Variants in TTC28 observed in about 807,000 individuals in gnomAD.
TTC28 encodes the protein tetratricopeptide repeat domain 28.
A neutral mutation model predicts 198.0 loss-of-function variants in TTC28; 61 were observed. The observed-to-expected ratio is 0.31, with a 90% CI of 0.25 to 0.38. TTC28 has a LOEUF of 0.38. Ranked by LOEUF, TTC28 falls within the 10% of genes least tolerant of loss-of-function variation. The pLI, the probability that TTC28 is intolerant of heterozygous loss-of-function variation, is 1.00. For missense variants in TTC28, 2,678 were observed against 3,164.0 expected (o/e 0.85, Z 3.69); for synonymous variants, 1,171 against 1,297.8 (o/e 0.90, Z 2.10).
intron 2 of TTC28, among the ~76,000 whole-genome samples, chr22:28,536,735 T>A (rs1025748417): frequency 7.2e-5 from 11 of 152,246 alleles, no homozygotes; most frequent in African/African-American, 2.4e-4. Context: ...TTCTCTGATC[T>A]ATGACTTATT....
intron 5 of TTC28, among the ~76,000 whole-genome samples, chr22:28,164,773 A>G (rs1921691804): frequency 6.6e-6 from 1 of 152,200 alleles, no homozygotes; most frequent in African/African-American, 2.4e-5. Flanking sequence ...CTCACCAACA[A>G]TGGAACAAAG....
At chr22:28,468,313 C>G (rs1314750925) in intron 2 of TTC28, among the ~76,000 whole-genome samples, 2 of 151,834 alleles carry the variant, frequency 1.3e-5, no homozygotes, top group Non-Finnish European at 1.5e-5. Flanking sequence ...TAGAAGAGGC[C>G]CAGGTTTGCA....
intron 6 of TTC28, among the ~76,000 whole-genome samples, chr22:28,153,052 T>C (rs1943647266): frequency 6.6e-6 from 1 of 152,292 alleles, no homozygotes; most frequent in Admixed American, 6.5e-5. Context: ...ATGTGTATTA[T>C]ATAGATAATA....
chr22:28,029,128 CAA>C, intron 13 of TTC28: 1 of 471,166 alleles, frequency 2.1e-6, no homozygotes, highest in Non-Finnish European at 4.4e-6. Flanking sequence ...TACATGAAAC[CAA>C]AAGCCATGAG....
intron 2 of TTC28, among the ~76,000 whole-genome samples, chr22:28,562,515 C>A (rs1273936597): frequency 6.6e-6 from 1 of 152,066 alleles, no homozygotes; most frequent in Non-Finnish European, 1.5e-5. Context: ...TGAAGAACCA[C>A]CGTAGAAGTG....
Position 28,323,765 on chromosome 22 carries a change from G to A in TTC28, c.382-17122C>T, listed in dbSNP as rs192045455. ...AAGATATCAATATTCAAGAACAAGA[G>A]GGTTATAGAACACCAAGCAGATTTA... On this transcript the variant is annotated intron_variant, in intron 2 of 22. Coordinates refer to ENST00000397906, the MANE Select transcript of TTC28 (RefSeq NM_001145418.2). Among the ~76,000 whole-genome samples, 373 of 152,182 alleles carry A rather than the reference G, an allele frequency of 2.5e-3. 1 individual carries two copies. The highest frequency in any genetic ancestry group is 3.7e-3 in the Admixed American group (57 of 15,290).
At chr22:28,064,723 C>T (rs942127775) in intron 12 of TTC28, among the ~76,000 whole-genome samples, 3 of 152,018 alleles carry the variant, frequency 2.0e-5, no homozygotes, top group Admixed American at 6.6e-5. Flanking sequence ...GCAGTTTTAC[C>T]GTATTTATTG....
intron 13 of TTC28, among the ~76,000 whole-genome samples, chr22:28,015,586 C>T (rs1421809365): frequency 7.3e-6 from 1 of 137,836 alleles, no homozygotes; most frequent in East Asian, 2.3e-4. Flanking sequence ...CAACACCTAG[C>T]TAATTTGTAA....
rs888800663 is a variant in TTC28, at chr22:28,378,283, T to C, written c.382-71640A>G. ...ATAGCTTGAACCTGGGAGGCGGAGG[T>C]TGCAGTGAGCCAAGATCTCACCACT... On this transcript the variant is annotated intron_variant, in intron 2 of 22. Transcript: ENST00000397906. Among the ~76,000 whole-genome samples, 3 of 146,996 alleles carry C rather than the reference T, an allele frequency of 2.0e-5. No individual in the cohort carries two copies. In the South Asian group the frequency reaches 6.5e-4, roughly 32 times the overall value.
intron 9 of TTC28, among the ~76,000 whole-genome samples, chr22:28,099,872 C>A (rs901366278): frequency 6.6e-6 from 1 of 152,154 alleles, no homozygotes; most frequent in Non-Finnish European, 1.5e-5. Context: ...CTCTGAAGGG[C>A]GATAGCTCTT....
At chr22:28,451,388 C>T (rs1304544204) in intron 2 of TTC28, among the ~76,000 whole-genome samples, 1 of 152,164 alleles carries the variant, frequency 6.6e-6, no homozygotes, top group Admixed American at 6.5e-5. Context: ...AGGAAAACAA[C>T]AAAATCCAGC....
chr22:28,580,583 T>G (rs1334003738), intron 2 of TTC28, among the ~76,000 whole-genome samples: 1 of 152,148 alleles, frequency 6.6e-6, no homozygotes, highest in Non-Finnish European at 1.5e-5. Flanking sequence ...ATAGCTATAT[T>G]TAAAGTAAGC....
At chr22:28,003,808 A>C (rs530019491) in intron 14 of TTC28, among the ~76,000 whole-genome samples, 1 of 152,304 alleles carries the variant, frequency 6.6e-6, no homozygotes, top group African/African-American at 2.4e-5. Context: ...ATGTCCTTGA[A>C]GGCAGCTTGT....
intron 2 of TTC28, among the ~76,000 whole-genome samples, chr22:28,355,290 A>G (rs1016398650): frequency 6.6e-6 from 1 of 152,116 alleles, no homozygotes; most frequent in African/African-American, 2.4e-5. Context: ...TTGCAAAAGT[A>G]TTTTTCCCCC....
chr22:27,992,467 G>T, intron 19 of TTC28, 120 bp downstream of exon 19: 1 of 1,036,008 alleles, frequency 9.7e-7, no homozygotes, highest in Non-Finnish European at 1.4e-6. Context: ...CTTCTCCTTT[G>T]AATCACAAAG....
chr22:28,187,070 T>A (rs1358119069), intron 5 of TTC28, among the ~76,000 whole-genome samples: 1 of 152,192 alleles, frequency 6.6e-6, no homozygotes, highest in Non-Finnish European at 1.5e-5. Context: ...GTTTCCCAAA[T>A]TCTAAGATTA....
At chr22:28,132,219 T>C (rs751850426) in intron 6 of TTC28, among the ~76,000 whole-genome samples, 25 of 152,216 alleles carry the variant, frequency 1.6e-4, no homozygotes, top group Admixed American at 6.5e-5. Flanking sequence ...GAAGGTGTCC[T>C]GTTGGAGGCC....
rs1312121645 is a variant in TTC28, at chr22:28,358,842, G to A, written c.382-52199C>T. On this transcript the variant is annotated intron_variant, in intron 2 of 22. Coordinates refer to ENST00000397906, the MANE Select transcript of TTC28 (RefSeq NM_001145418.2). The stretch of plus-strand genomic sequence containing the variant: ...ATGATTCCTGACCCTCCTCACTTGC[G>A]GCTTTCATTCAGTTTCCAATGGGTT... Among the ~76,000 whole-genome samples the A allele has an allele frequency of 5.3e-5, 8 of 152,106 alleles. No individual in the cohort carries two copies. In the South Asian group the frequency reaches 1.2e-3, roughly 24 times the overall value.
intron 5 of TTC28, among the ~76,000 whole-genome samples, chr22:28,183,266 C>T (rs1313707968): frequency 6.6e-6 from 1 of 152,014 alleles, no homozygotes; most frequent in Non-Finnish European, 1.5e-5. Flanking sequence ...CACTACGTTG[C>T]CCAGGCTGGT....
Sources: gnomAD v4.1 joint callset for allele counts (sites outside exome capture counted in the v4.1 genomes callset) on GRCh38, gnomAD v4.1.1 for gene constraint, MANE v1.5 for transcripts, NCBI Gene and HGNC (gene_info 2026-07-23, HGNC 2026-07-21) for gene names.